Variants in MCFD2 observed in about 807,000 individuals in gnomAD.
The protein encoded by MCFD2 is multiple coagulation factor deficiency protein 2.
Under a neutral mutation model 12.8 loss-of-function variants are expected in MCFD2, and 11 were observed. The observed-to-expected ratio is 0.86, with a 90% CI of 0.54 to 1.42. MCFD2 has a LOEUF of 1.42. MCFD2 is among the 40% of genes most tolerant of loss of function. The pLI, the probability that MCFD2 is intolerant of heterozygous loss-of-function variation, is 0.00. For synonymous variants in MCFD2, 70 were observed against 68.1 expected (o/e 1.03, Z -0.14); for missense variants, 191 against 178.6 (o/e 1.07, Z -0.40).
intron 1 of MCFD2, among the ~76,000 whole-genome samples, chr2:46,920,857 T>C (rs1276239488): frequency 6.6e-6 from 1 of 151,956 alleles, no homozygotes; most frequent in East Asian, 1.9e-4. Context: ...TGTGGCTGTC[T>C]ACAAAACTTC....
rs112367633 is a variant in MCFD2, at chr2:46,905,743, G to A, written c.310-149C>T. 221 of 802,046 alleles carry A rather than the reference G, an allele frequency of 2.8e-4. 1 individual carries two copies. In the African/African-American group the frequency reaches 3.3e-3, roughly 12 times the overall value. 49.7% of individuals were successfully genotyped at this position (802,046 alleles called of 1,614,324 possible). A position where few individuals can be genotyped will look rare whatever the true frequency, so the allele number is the denominator to read the frequency against. The stretch of plus-strand genomic sequence containing the variant: ...AAAAACAAAACAACAAAATATCCAC[G>A]CTCATATGTGTCCAAAAACTTTCAA... On this transcript the variant is annotated intron_variant, in intron 3 of 3. Coordinates refer to ENST00000319466, the MANE Select transcript of MCFD2 (RefSeq NM_139279.6).
rs35897582 is a variant in MCFD2 at position 46,928,459 on chromosome 2, TAAAAA to T, written c.-8+13108_-8+13112del. Among the ~76,000 whole-genome samples the T allele has an allele frequency of 8.6e-3, 709 of 81,986 alleles. 11 individuals carry two copies. Among genetic ancestry groups the T allele is most frequent in the African/African-American group, 0.025 (644 of 26,046 alleles). The allele number at this position is 81,986 out of a possible 152,430, so 53.8% of individuals were successfully genotyped here. ...AAGCTCAGGTGGTGGAAAGGGAAATTAAAAAAAAAAAAAAAAAAAAAAAAAACTTG... is the reference window on the plus strand; with the variant it reads ...AAGCTCAGGTGGTGGAAAGGGAAATTAAAAAAAAAAAAAAAAAAAAACTTG... On this transcript the variant is annotated intron_variant, in intron 1 of 2. Transcript: ENST00000409147.
chr2:46,936,918 G>C (rs190573530), intron 1 of MCFD2, among the ~76,000 whole-genome samples: 1 of 149,858 alleles, frequency 6.7e-6, no homozygotes, highest in Non-Finnish European at 1.5e-5. Context: ...GCAGTGGCAC[G>C]ATCTCAGCTC....
Position 46,905,381 on chromosome 2 carries a change from G to T in MCFD2, c.*82C>A, listed in dbSNP as rs528839446. 2.2e-4 allele frequency: 325 copies of T among 1,490,316 alleles called. 4 individuals carry two copies. The South Asian group carries it at 3.6e-3, about 17-fold the overall frequency. The allele number at this position is 1,490,316 out of a possible 1,614,324, so 92.3% of individuals were successfully genotyped here. On this transcript the variant is annotated 3_prime_UTR_variant, in exon 4 of 4. Coordinates refer to ENST00000319466, the MANE Select transcript of MCFD2 (RefSeq NM_139279.6). ...AAATGCTGCAGCAGTAGTTGGAAAT[G>T]AGTTATTTTGCATTACTAAAGTGTT...
At chr2:46,932,077 TTAAC>T (rs1189470800) in intron 1 of MCFD2, among the ~76,000 whole-genome samples, 4 of 152,128 alleles carry the variant, frequency 2.6e-5, no homozygotes, top group African/African-American at 4.8e-5. Flanking sequence ...TAAAAAACCT[TTAAC>T]AAACTAGGAA....
At position 46,914,408 on chromosome 2, in the gene MCFD2, G is replaced by T. The variant is rs1668612604; in HGVS notation, c.-7+1315C>A. ...CCAAAGAAAAACTGACCAGTACTTT[G>T]TCACTTACCCCTGTCATGGTCCTGG... On this transcript the variant is annotated intron_variant, in intron 1 of 3. Transcript: ENST00000319466. Among the ~76,000 whole-genome samples the T allele has an allele frequency of 1.3e-5, 2 of 152,188 alleles. 1 individual carries two copies. The highest frequency in any genetic ancestry group is 1.3e-4 in the Admixed American group (2 of 15,278).
Position 46,905,236 on chromosome 2 carries a change from C to T in MCFD2, c.*227G>A. On this transcript the variant is annotated 3_prime_UTR_variant, in exon 4 of 4. Coordinates refer to ENST00000319466, the MANE Select transcript of MCFD2 (RefSeq NM_139279.6). ...GACTAATACAGATGCTTGAAGCAAG[C>T]CCTTGTCCAATAAGGTATTTAATAG... 1 of 551,716 alleles carries T rather than the reference C, an allele frequency of 1.8e-6. No homozygotes were observed. The allele number at this position is 551,716 out of a possible 1,614,324, so 34.2% of individuals were successfully genotyped here. A position where few individuals can be genotyped will look rare whatever the true frequency, so the allele number is the denominator to read the frequency against.
intron 1 of MCFD2, among the ~76,000 whole-genome samples, chr2:46,931,000 G>A (rs79061237): frequency 0.022 from 3,302 of 149,688 alleles, 126 homozygotes; most frequent in African/African-American, 0.075. Context: ...AAATTTAGCC[G>A]TATCTCATGG....
chr2:46,907,361 A>C lies in MCFD2; in HGVS notation c.309+449T>G, dbSNP rs2103741204. ...AGAGGCAGAACACAGAAGAGAAAGA[A>C]GCAGCAGCACCTTTTTTTTTCTTTT... On this transcript the variant is annotated intron_variant, in intron 3 of 3. Coordinates refer to ENST00000319466, the MANE Select transcript of MCFD2 (RefSeq NM_139279.6). The surrounding 1 kb of genome is among the most constrained non-coding windows in gnomAD (Gnocchi z 4.1). 1 of 205,772 alleles carries C rather than the reference A, an allele frequency of 4.9e-6. No individual in the cohort carries two copies. Among genetic ancestry groups the C allele is most frequent in the South Asian group, 7.9e-5 (1 of 12,638 alleles). 12.7% of individuals were successfully genotyped at this position (205,772 alleles called of 1,614,324 possible). A position where few individuals can be genotyped will look rare whatever the true frequency, so the allele number is the denominator to read the frequency against.
chr2:46,902,226 C>T lies in MCFD2; in HGVS notation c.*3237G>A, dbSNP rs1164745812. On this transcript the variant is annotated 3_prime_UTR_variant, in exon 4 of 4. Coordinates refer to ENST00000319466, the MANE Select transcript of MCFD2 (RefSeq NM_139279.6). ...CACTGTTAAAGGGTTTTTTGGGTTC[C>T]TTTTCTAATCTTTCCTGATTTGAAA... is the stretch of plus-strand genomic sequence containing the variant. 1 of 152,554 alleles carries T rather than the reference C, an allele frequency of 6.6e-6. No homozygotes were observed. The highest frequency in any genetic ancestry group is 1.5e-5 in the Non-Finnish European group (1 of 68,004). The allele number at this position is 152,554 out of a possible 1,614,324, so 9.5% of individuals were successfully genotyped here. A position where few individuals can be genotyped will look rare whatever the true frequency, so the allele number is the denominator to read the frequency against.
At chr2:46,923,361 A>G (rs919373194) in intron 1 of MCFD2, among the ~76,000 whole-genome samples, 1 of 152,072 alleles carries the variant, frequency 6.6e-6, no homozygotes, top group Admixed American at 6.5e-5. Context: ...GTCATTCTGA[A>G]TTACCTGGGG....
rs571206473 is a variant in MCFD2 at position 46,929,955 on chromosome 2, T to C, written c.-8+11617A>G. On this transcript the variant is annotated intron_variant, in intron 1 of 2. Transcript: ENST00000409147. The stretch of plus-strand genomic sequence containing the variant: ...ATGTTTTAGACAGTGGCTGCTTTGC[T>C]AGCTTGAGCCCCAGAGTGAAGAAAT... Among the ~76,000 whole-genome samples, 3 of 152,338 alleles carry C rather than the reference T, an allele frequency of 2.0e-5. No homozygotes were observed. In the East Asian group the frequency reaches 5.8e-4, roughly 29 times the overall value.
chr2:46,933,593 T>C (rs909106881), intron 1 of MCFD2, among the ~76,000 whole-genome samples: 1 of 152,132 alleles, frequency 6.6e-6, no homozygotes, highest in East Asian at 1.9e-4. Flanking sequence ...AAGTAAGACA[T>C]AAGATACCAT....
At chr2:46,909,712 G>A (rs1668404456) in intron 1 of MCFD2, among the ~76,000 whole-genome samples, 1 of 152,128 alleles carries the variant, frequency 6.6e-6, no homozygotes, top group Non-Finnish European at 1.5e-5. Flanking sequence ...CCCACAAGCG[G>A]GAAAGAAACT....
chr2:46,941,686 C>A lies in MCFD2; in HGVS notation c.-122G>T, dbSNP rs941070225. ...CATGCCCGGCGGCGGAGGTAACAGG[C>A]GAGGCAGCCCGAGCGCAGCGTTCAC... is the stretch of plus-strand genomic sequence containing the variant. On this transcript the variant is annotated 5_prime_UTR_variant, in exon 1 of 3. Coordinates refer to the MCFD2 transcript ENST00000409147. The surrounding 1 kb of genome is among the most constrained non-coding windows in gnomAD (Gnocchi z 4.2). 6.4e-7 allele frequency: 1 copy of A among 1,551,180 alleles called. No individual in the cohort carries two copies. The highest frequency in any genetic ancestry group is 2.0e-5 in the Admixed American group (1 of 51,108).
chr2:46,911,081 C>T (rs1228118643), intron 1 of MCFD2, among the ~76,000 whole-genome samples: 1 of 152,144 alleles, frequency 6.6e-6, no homozygotes, highest in Non-Finnish European at 1.5e-5. Flanking sequence ...ATCTAGTCTA[C>T]TTCTAAACAG....
At position 46,941,003 on chromosome 2, in the gene MCFD2, G is replaced by A. The variant is rs1305771199; in HGVS notation, c.-8+569C>T. Among the ~76,000 whole-genome samples the A allele has an allele frequency of 4.0e-5, 6 of 151,508 alleles. No homozygotes were observed. The South Asian group carries it at 1.2e-3, about 31-fold the overall frequency. On this transcript the variant is annotated intron_variant, in intron 1 of 2. Coordinates refer to the MCFD2 transcript ENST00000409147. This position sits in a 1 kb window ranked among gnomAD's most constrained non-coding sequence, Gnocchi z 4.2. ...AAGCGAGGCGCCCCCGGGCGCCGGGGCTCCGCGCGGGATTAAAGTGAGCTC... is the reference window on the plus strand; with the variant it reads ...AAGCGAGGCGCCCCCGGGCGCCGGGACTCCGCGCGGGATTAAAGTGAGCTC...
chr2:46,922,624 C>G (rs905255873), intron 1 of MCFD2, among the ~76,000 whole-genome samples: 1 of 152,040 alleles, frequency 6.6e-6, no homozygotes, highest in East Asian at 1.9e-4. Flanking sequence ...GTTTCTGGTT[C>G]ATATGTACTT....
Position 46,927,513 on chromosome 2 carries a change from C to A in MCFD2, c.-8+14059G>T, listed in dbSNP as rs575279989. Among the ~76,000 whole-genome samples the A allele has an allele frequency of 1.5e-3, 222 of 152,054 alleles. 2 individuals are homozygous for A. Among genetic ancestry groups the A allele is most frequent in the African/African-American group, 5.1e-3 (212 of 41,472 alleles). The stretch of plus-strand genomic sequence containing the variant: ...CTGGGACTACAGGCATCCGCCACCA[C>A]GCCCGGCTAATTTTGTTTTTGTGTT... On this transcript the variant is annotated intron_variant, in intron 1 of 2. Coordinates refer to the MCFD2 transcript ENST00000409147.
Sources: allele counts gnomAD v4.1 joint callset (sites outside exome capture counted in the v4.1 genomes callset), GRCh38; gene constraint gnomAD v4.1.1; non-coding constraint Gnocchi (gnomAD v3.1); transcripts MANE v1.5; gene names NCBI Gene and HGNC (gene_info 2026-07-23, HGNC 2026-07-21).